Variants in ZNF521 observed in about 807,000 individuals in gnomAD.
ZNF521 encodes LYST-interacting protein 3.
A neutral mutation model predicts 105.5 loss-of-function variants in ZNF521; 14 were observed. The observed-to-expected ratio is 0.13, with a 90% confidence interval of 0.09 to 0.21. The LOEUF (loss-of-function observed/expected upper bound fraction) is 0.21, where lower values mean the gene tolerates loss of function less well. Ranked by LOEUF, ZNF521 falls within the 10% of genes least tolerant of loss-of-function variation. The probability of loss-of-function intolerance (pLI) is 1.00; values close to 1 mark genes in which losing one functional copy is unlikely to be tolerated. For synonymous variants in ZNF521, 635 were observed against 606.0 expected, an observed-to-expected ratio of 1.05 and a Z score of -0.70; for missense variants, 1,233 against 1,629.7, an observed-to-expected ratio of 0.76 and a Z score of 4.19.
At chr18:25,238,545 G>GA (rs895354322) in intron 3 of ZNF521, among the ~76,000 whole-genome samples, 17 of 152,136 alleles carry the variant, frequency 1.1e-4, no homozygotes, top group African/African-American at 4.1e-4. Flanking sequence ...AAGCAAAGCA[G>GA]AAAAAAAGAC....
intron 5 of ZNF521, among the ~76,000 whole-genome samples, chr18:25,153,847 G>T (rs1046441714): frequency 6.6e-6 from 1 of 151,934 alleles, no homozygotes; most frequent in Non-Finnish European, 1.5e-5. Flanking sequence ...TAAAGGAAGC[G>T]ACAAAGGTTC....
intron 5 of ZNF521, among the ~76,000 whole-genome samples, chr18:25,129,879 T>C (rs1600072630): frequency 6.6e-6 from 1 of 152,152 alleles, no homozygotes; most frequent in East Asian, 1.9e-4. Context: ...CCCCCATTTA[T>C]TGTGGTGGGA....
chr18:25,184,935 T>C (rs1387380042), intron 5 of ZNF521, among the ~76,000 whole-genome samples: 2 of 152,202 alleles, frequency 1.3e-5, no homozygotes, highest in Non-Finnish European at 2.9e-5. Flanking sequence ...CTGACTTCAA[T>C]CCACATTATT....
chr18:25,304,952 C>T (rs1206580079), intron 3 of ZNF521, among the ~76,000 whole-genome samples: 1 of 152,120 alleles, frequency 6.6e-6, no homozygotes, highest in Admixed American at 6.5e-5. Context: ...CTTTTGTGCC[C>T]TCATAATGCT....
intron 5 of ZNF521, among the ~76,000 whole-genome samples, chr18:25,134,205 T>C (rs1206828667): frequency 6.6e-6 from 1 of 152,126 alleles, no homozygotes; most frequent in Non-Finnish European, 1.5e-5. Context: ...GTACAAGTCA[T>C]CAGGCTTCCT....
At chr18:25,068,433 C>T (rs998726441) in intron 7 of ZNF521, among the ~76,000 whole-genome samples, 4 of 152,280 alleles carry the variant, frequency 2.6e-5, no homozygotes, top group South Asian at 2.1e-4. Flanking sequence ...CACATACAGT[C>T]GTGCAGTTAC....
chr18:25,279,996 T>C (rs577035497), intron 3 of ZNF521, among the ~76,000 whole-genome samples: 2 of 152,334 alleles, frequency 1.3e-5, no homozygotes, highest in East Asian at 3.9e-4. Context: ...ATAAAGGATA[T>C]GATATCACAT....
rs959791578 is a variant in ZNF521 at position 25,195,743 on chromosome 18, A to T, written c.3574-499T>A. On this transcript the variant is annotated intron_variant, in intron 4 of 7. Coordinates refer to ENST00000361524, the MANE Select transcript of ZNF521 (RefSeq NM_015461.3). ...ATTTAGAGATATAATTTTTGGCTAA[A>T]GTCTACAATTTAAATGATGTTTTAG... 2.6e-5 allele frequency among the ~76,000 whole-genome samples: 4 copies of T among 151,802 alleles called. No homozygotes were observed. In the East Asian group the frequency reaches 7.7e-4, roughly 29 times the overall value.
At chr18:25,193,953 T>A (rs538466828) in intron 5 of ZNF521, among the ~76,000 whole-genome samples, 21 of 151,556 alleles carry the variant, frequency 1.4e-4, no homozygotes, top group African/African-American at 4.4e-4. Context: ...ATAAAGCACA[T>A]CCTATTGAAA....
At chr18:25,299,709 A>T (rs1911522921) in intron 3 of ZNF521, among the ~76,000 whole-genome samples, 1 of 152,204 alleles carries the variant, frequency 6.6e-6, no homozygotes, top group Non-Finnish European at 1.5e-5. Context: ...CACTCTATAA[A>T]CGCGACCCAT....
chr18:25,066,032 C>T (rs1452948117), intron 7 of ZNF521, among the ~76,000 whole-genome samples: 1 of 152,108 alleles, frequency 6.6e-6, no homozygotes, highest in Non-Finnish European at 1.5e-5. Flanking sequence ...AATAAAGCAA[C>T]CCAATGTAAG....
intron 3 of ZNF521, among the ~76,000 whole-genome samples, chr18:25,299,850 ACT>A (rs1224588063): frequency 2.6e-5 from 4 of 152,120 alleles, no homozygotes; most frequent in African/African-American, 4.8e-5. Flanking sequence ...AATAAGAGAG[ACT>A]CTGATTTCGG....
chr18:25,181,443 T>G, intron 5 of ZNF521, among the ~76,000 whole-genome samples: 1 of 151,980 alleles, frequency 6.6e-6, no homozygotes, highest in African/African-American at 2.4e-5. Flanking sequence ...GGGGGAAAAA[T>G]AATGGGATTT....
rs76508234 is a variant in ZNF521, at chr18:25,339,068, T to C, written c.40+11839A>G. Among the ~76,000 whole-genome samples the C allele has an allele frequency of 1.0e-3, 153 of 152,330 alleles. 3 individuals are homozygous for C. In the East Asian group the frequency reaches 0.02, roughly 20 times the overall value. On this transcript the variant is annotated intron_variant, in intron 2 of 7. Coordinates refer to ENST00000361524, the MANE Select transcript of ZNF521 (RefSeq NM_015461.3). ...GGGAAAACCAGGCCCACAATTAAAA[T>C]ATGGCCAGAACTTGCACAGAAGTGA...
intron 3 of ZNF521, among the ~76,000 whole-genome samples, chr18:25,252,271 G>T (rs1908174146): frequency 6.6e-6 from 1 of 151,864 alleles, no homozygotes; most frequent in African/African-American, 2.4e-5. Flanking sequence ...TTTAATTAAA[G>T]AAATAAAAAA....
At chr18:25,345,590 G>C (rs1049626944) in intron 2 of ZNF521, among the ~76,000 whole-genome samples, 1 of 152,208 alleles carries the variant, frequency 6.6e-6, no homozygotes. Context: ...GGAAGATGCT[G>C]CCAGAAGTGC....
intron 2 of ZNF521, among the ~76,000 whole-genome samples, chr18:25,349,771 T>C (rs1443351120): frequency 2.7e-5 from 4 of 150,402 alleles, no homozygotes; most frequent in South Asian, 2.1e-4. Context: ...CGCGCGGACC[T>C]CGGCGGGACC....
chr18:25,225,988 T>C lies in ZNF521; in HGVS notation c.1930A>G (p.Thr644Ala), dbSNP rs918360181. 2 of 1,614,214 alleles carry C rather than the reference T, an allele frequency of 1.2e-6. No homozygotes were observed. The highest frequency in any genetic ancestry group is 1.7e-6 in the Non-Finnish European group (2 of 1,180,030). ...TGAGTCTGAAAGCTGTCTAGGGATG[T>C]GTACTTAGCACCACATTGATTACAG... ...YICNQCGAKY[T>A]SLDSFQTHLK... Residue 644 changes from threonine (T) to alanine (A), a missense_variant, in exon 4 of 8, where the codon ACA becomes GCA. Physicochemically the swap from Thr to Ala is moderately conservative, Grantham distance 58. Transcript: ENST00000361524. This position sits in a 1 kb window ranked among gnomAD's most constrained non-coding sequence, Gnocchi z 5.6.
In ZNF521 at chr18:25,224,751, C is replaced by G; in HGVS notation, c.3167G>C (p.Gly1056Ala). 6.2e-7 allele frequency: 1 copy of G among 1,613,956 alleles called. No individual in the cohort carries two copies. Among genetic ancestry groups the G allele is most frequent in the Non-Finnish European group, 8.5e-7 (1 of 1,180,014 alleles). The change falls in exon 4 of 8, where the codon GGG becomes GCG. Residue 1056 changes from glycine (G) to alanine (A), a missense_variant. By Grantham distance (60) the Gly-to-Ala change is moderately conservative. This residue lies in a region of ZNF521 where 614 missense variants were observed against 751.5 expected (regional missense o/e 0.82). Coordinates refer to ENST00000361524, the MANE Select transcript of ZNF521 (RefSeq NM_015461.3). ...TGNGSAVQTTGRGQHVQKLYK... is the reference protein window; with the variant it reads ...TGNGSAVQTTARGQHVQKLYK... ...CAGTTTTTGGACGTGCTGGCCCCGC[C>G]CTGTGGTCTGAACTGCAGACCCATT...
Sources: allele counts gnomAD v4.1 joint callset (sites outside exome capture counted in the v4.1 genomes callset), GRCh38; gene constraint gnomAD v4.1.1; regional missense constraint gnomAD v4.1.1; non-coding constraint Gnocchi (gnomAD v3.1); transcripts MANE v1.5; gene names NCBI Gene and HGNC (gene_info 2026-07-23, HGNC 2026-07-21).